The following CELSR1 variants were observed in gnomAD, a reference collection of about 807,000 sequenced individuals.
The protein encoded by CELSR1 is adhesion G protein-coupled receptor C1.
CELSR1 carries 110 observed loss-of-function variants against 249.1 expected under a neutral mutation model. The observed-to-expected ratio is 0.44, with a 90% confidence interval of 0.38 to 0.52. The LOEUF (loss-of-function observed/expected upper bound fraction) is 0.52. Ranked by LOEUF, CELSR1 falls within the 20% of genes least tolerant of loss-of-function variation. The pLI is 0.00. For missense variants in CELSR1, 4,109 were observed against 4,296.4 expected (o/e 0.96, Z 1.22); for synonymous variants, 2,113 against 1,900.0 (o/e 1.11, Z -2.92).
Position 46,364,067 on chromosome 22 carries a change from C to G in CELSR1, c.8964G>C (p.Gly2988=). 6.2e-7 allele frequency: 1 copy of G among 1,612,332 alleles called. No individual in the cohort carries two copies. Among genetic ancestry groups the G allele is most frequent in the Non-Finnish European group, 8.5e-7 (1 of 1,179,680 alleles). The change falls in exon 34 of 35, where the codon GGG becomes GGC. Residue 2988 remains glycine (G), a synonymous_variant. Transcript: ENST00000674500. The part of the protein sequence containing the change: ...ITVKSPGREP[G]RDHLNGVAMN... ...TGGCCACCCCGTTGAGGTGGTCACGCCCCGGCTCCCTCCCAGGGCTCTTGA... is the reference window on the plus strand; with the variant it reads ...TGGCCACCCCGTTGAGGTGGTCACGGCCCGGCTCCCTCCCAGGGCTCTTGA...
At chr22:46,479,680 A>G (rs1410410953) in intron 1 of CELSR1, among the ~76,000 whole-genome samples, 1 of 152,206 alleles carries the variant, frequency 6.6e-6, no homozygotes. Context: ...ACCACTAGGA[A>G]AATATATCAC....
At chr22:46,394,068 G>A in intron 14 of CELSR1, 74 bp downstream of exon 14, 1 of 1,557,440 alleles carries the variant, frequency 6.4e-7, no homozygotes, top group Non-Finnish European at 8.7e-7. Context: ...GTGAAGGCGT[G>A]TGTGTATTTA....
At chr22:46,461,198 T>G (rs1009357082) in intron 2 of CELSR1, among the ~76,000 whole-genome samples, 2 of 152,130 alleles carry the variant, frequency 1.3e-5, no homozygotes, top group Non-Finnish European at 2.9e-5. Context: ...AAATAATCAG[T>G]CTTAATTAGC....
rs551685998 is a variant in CELSR1, at chr22:46,437,811, T to C, written c.4406+1378A>G. ...TCGCCCAAACCCCCTCTCTTTAGAA[T>C]GCAAGCAAGAAATGACGACAAACAC... On this transcript the variant is annotated intron_variant, in intron 3 of 34. Coordinates refer to ENST00000674500, the MANE Select transcript of CELSR1 (RefSeq NM_001378328.1). This position sits in a 1 kb window ranked among gnomAD's most constrained non-coding sequence, Gnocchi z 4.9. Among the ~76,000 whole-genome samples, 38 of 150,498 alleles carry C rather than the reference T, an allele frequency of 2.5e-4. No individual in the cohort carries two copies. The highest frequency in any genetic ancestry group is 1.7e-3 in the Admixed American group (25 of 15,116).
intron 9 of CELSR1, among the ~76,000 whole-genome samples, chr22:46,403,535 C>T (rs935336710): frequency 2.7e-4 from 41 of 150,028 alleles, no homozygotes; most frequent in African/African-American, 9.8e-4. Flanking sequence ...CCAGCCTGGG[C>T]GACAGAGCAA....
At position 46,401,088 on chromosome 22, in the gene CELSR1, G is replaced by A. The variant is rs1168351926; in HGVS notation, c.5227-1186C>T. On this transcript the variant is annotated intron_variant, in intron 9 of 34. Coordinates refer to ENST00000674500, the MANE Select transcript of CELSR1 (RefSeq NM_001378328.1). This position sits in a 1 kb window ranked among gnomAD's most constrained non-coding sequence, Gnocchi z 4.7. ...CAAGTAAGGGAAGCGCCAAGAACAA[G>A]CCCCATTAGGCTTTTAAGTACTGGG... 6.6e-6 allele frequency among the ~76,000 whole-genome samples: 1 copy of A among 152,094 alleles called. No individual in the cohort carries two copies. Among genetic ancestry groups the A allele is most frequent in the Non-Finnish European group, 1.5e-5 (1 of 68,020 alleles).
chr22:46,486,537 G>T (rs1428549431), intron 1 of CELSR1, among the ~76,000 whole-genome samples: 1 of 151,078 alleles, frequency 6.6e-6, no homozygotes, highest in African/African-American at 2.4e-5. Context: ...GACAGACTGA[G>T]ACTCTGTCTC....
In CELSR1 at chr22:46,367,970, G is replaced by A. The variant is rs550224295; in HGVS notation, c.7953-115C>T. On this transcript the variant is annotated intron_variant, in intron 27 of 34. Coordinates refer to ENST00000674500, the MANE Select transcript of CELSR1 (RefSeq NM_001378328.1). ...TGCCCGTCCGCCCATCTATCTGTCCGTCCACCTGTCCACCCAGCCATCATC... is the reference window on the plus strand; with the variant it reads ...TGCCCGTCCGCCCATCTATCTGTCCATCCACCTGTCCACCCAGCCATCATC... 87 of 1,341,262 alleles carry A rather than the reference G, an allele frequency of 6.5e-5. 1 individual carries two copies. In the East Asian group the frequency reaches 6.6e-4, roughly 10 times the overall value. 83.1% of individuals were successfully genotyped at this position (1,341,262 alleles called of 1,614,324 possible).
chr22:46,396,891 C>G lies in CELSR1; in HGVS notation c.5702-145G>C. ...AAGAGGAAGAGTGCCACAGAGTCCC[C>G]GAAAACACAGCGTTAGGCGGGTTAG... On this transcript the variant is annotated intron_variant, in intron 12 of 34. Transcript: ENST00000674500. The surrounding 1 kb of genome is among the most constrained non-coding windows in gnomAD (Gnocchi z 6.4). 3 of 1,138,424 alleles carry G rather than the reference C, an allele frequency of 2.6e-6. No homozygotes were observed. The highest frequency in any genetic ancestry group is 3.7e-6 in the Non-Finnish European group (3 of 804,808). 70.5% of individuals were successfully genotyped at this position (1,138,424 alleles called of 1,614,324 possible).
Position 46,368,005 on chromosome 22 carries a change from C to G in CELSR1, c.7953-150G>C. 3 of 1,114,366 alleles carry G rather than the reference C, an allele frequency of 2.7e-6. 1 individual carries two copies. 69.0% of individuals were successfully genotyped at this position (1,114,366 alleles called of 1,614,324 possible). ...CCACCCAGCCATCATCCACCTTGCT[C>G]CCTTCCTCCCCTCGTAGCCAGGTAC... is the stretch of plus-strand genomic sequence containing the variant. On this transcript the variant is annotated intron_variant, in intron 27 of 34. Coordinates refer to ENST00000674500, the MANE Select transcript of CELSR1 (RefSeq NM_001378328.1).
In CELSR1 at chr22:46,399,588, G is replaced by A; in HGVS notation, c.5412+129C>T. 1.2e-6 allele frequency: 1 copy of A among 866,436 alleles called. No homozygotes were observed. Among genetic ancestry groups the A allele is most frequent in the South Asian group, 1.6e-5 (1 of 61,094 alleles). 53.7% of individuals were successfully genotyped at this position (866,436 alleles called of 1,614,324 possible). On this transcript the variant is annotated intron_variant, in intron 10 of 34. Coordinates refer to ENST00000674500, the MANE Select transcript of CELSR1 (RefSeq NM_001378328.1). The surrounding 1 kb of genome is among the most constrained non-coding windows in gnomAD (Gnocchi z 5.0). ...AGGGCAGAACAGAAGCCCACCTGCG[G>A]GGACCCAGAAAGTGCCTCCCCAAAT... is the stretch of plus-strand genomic sequence containing the variant.
At chr22:46,420,288 ACACT>A (rs1180907091) in intron 5 of CELSR1, among the ~76,000 whole-genome samples, 1 of 146,100 alleles carries the variant, frequency 6.8e-6, no homozygotes, top group South Asian at 2.1e-4. Context: ...TCATATATGC[ACACT>A]CAGCCACTCA....
chr22:46,451,978 C>T (rs2079890606), intron 2 of CELSR1, among the ~76,000 whole-genome samples: 1 of 152,080 alleles, frequency 6.6e-6, no homozygotes, highest in Admixed American at 6.5e-5. Flanking sequence ...GCCAGGCAGC[C>T]GCAAGCCAAG....
At chr22:46,444,432 C>T (rs1209360644) in intron 2 of CELSR1, among the ~76,000 whole-genome samples, 1 of 152,222 alleles carries the variant, frequency 6.6e-6, no homozygotes. Flanking sequence ...GGCACCTCTG[C>T]AGGGACCAGA....
rs5767208 is a variant in CELSR1 at position 46,467,046 on chromosome 22, G to T, written c.3545-2701C>A. 2.6e-5 allele frequency among the ~76,000 whole-genome samples: 4 copies of T among 152,020 alleles called. No homozygotes were observed. The East Asian group carries it at 7.7e-4, about 29-fold the overall frequency. On this transcript the variant is annotated intron_variant, in intron 1 of 34. Coordinates refer to ENST00000674500, the MANE Select transcript of CELSR1 (RefSeq NM_001378328.1). ...AGCCTCAAGAACTGTAAGAAAACAA[G>T]TGTTTGTTGTTTAAGCCACCCATTC...
intron 5 of CELSR1, among the ~76,000 whole-genome samples, chr22:46,421,188 C>T (rs2079467376): frequency 6.6e-6 from 1 of 150,650 alleles, no homozygotes; most frequent in Admixed American, 6.6e-5. Context: ...GCCACCACCA[C>T]CCTCCCTGCC....
In CELSR1 at chr22:46,473,154, C is replaced by T. The variant is rs546517262; in HGVS notation, c.3545-8809G>A. On this transcript the variant is annotated intron_variant, in intron 1 of 34. Transcript: ENST00000674500. This position sits in a 1 kb window ranked among gnomAD's most constrained non-coding sequence, Gnocchi z 6.6. ...CGGGGGTGGCTGAAGGAGAAATGTC[C>T]GCAGAGGGGTGGACAGGACCCACGC... 2.0e-5 allele frequency among the ~76,000 whole-genome samples: 3 copies of T among 152,176 alleles called. No homozygotes were observed. The highest frequency in any genetic ancestry group is 2.1e-4 in the South Asian group (1 of 4,816).
chr22:46,535,027 T>C lies in CELSR1; in HGVS notation c.2144A>G (p.Asp715Gly). ...CTGGTAGGTAATCACACTGTTGGCG[T>C]CACGGTCGCGGGCCTGCAGGGTCAG... ...SVLTLQARDR[D>G]ANSVITYQLT... is the part of the protein sequence containing the mutation. Residue 715 changes from aspartate to glycine, a missense_variant, in exon 1 of 35, where the codon GAC becomes GGC. By Grantham distance (94) the Asp-to-Gly change is moderately conservative. Transcript: ENST00000674500. 6.2e-7 allele frequency: 1 copy of C among 1,612,446 alleles called. No homozygotes were observed. Among genetic ancestry groups the C allele is most frequent in the Non-Finnish European group, 8.5e-7 (1 of 1,179,898 alleles).
In CELSR1 at chr22:46,446,960, G is replaced by A. The variant is rs960622092; in HGVS notation, c.4184-7549C>T. ...CAATTCAGGATTCCCCTGAGGGTTG[G>A]TGGTTAAGCACTTGCAGCACAGCCC... On this transcript the variant is annotated intron_variant, in intron 2 of 34. Coordinates refer to ENST00000674500, the MANE Select transcript of CELSR1 (RefSeq NM_001378328.1). The surrounding 1 kb of genome is among the most constrained non-coding windows in gnomAD (Gnocchi z 5.5). Among the ~76,000 whole-genome samples the A allele has an allele frequency of 6.6e-6, 1 of 152,134 alleles. No homozygotes were observed. Among genetic ancestry groups the A allele is most frequent in the Non-Finnish European group, 1.5e-5 (1 of 68,044 alleles).
Sources: gnomAD v4.1 joint callset for allele counts (sites outside exome capture counted in the v4.1 genomes callset) on GRCh38, gnomAD v4.1.1 for gene constraint, Gnocchi (gnomAD v3.1) non-coding constraint, MANE v1.5 for transcripts, NCBI Gene and HGNC (gene_info 2026-07-23, HGNC 2026-07-21) for gene names.